Variants in OR51B5 observed in about 807,000 individuals in gnomAD.
The protein encoded by OR51B5 is olfactory receptor 51B5.
For synonymous variants in OR51B5, 186 were observed against 144.8 expected, an observed-to-expected ratio of 1.28 and a Z score of -2.04; for missense variants, 456 against 374.6, an observed-to-expected ratio of 1.22 and a Z score of -1.79.
rs4491259 is a variant in OR51B5 at position 5,350,997 on chromosome 11, T to C, written n.85-4087A>G. Among the ~76,000 whole-genome samples the C allele has an allele frequency of 6.2e-3, 938 of 152,314 alleles. 19 individuals carry two copies. The highest frequency in any genetic ancestry group is 0.022 in the African/African-American group (902 of 41,568). ...TATTTCTTACTTGTGTATTTGTTTT[T>C]CCATATAATCTTTATATCTGCTTTT... On this transcript the variant is annotated intron_variant and non_coding_transcript_variant, in intron 1 of 4. Coordinates refer to the OR51B5 transcript ENST00000415970.
At chr11:5,426,381 G>C (rs115611935) in intron 1 of OR51B5, among the ~76,000 whole-genome samples, 1,877 of 152,144 alleles carry the variant, frequency 0.012, 35 homozygotes, top group African/African-American at 0.043. Flanking sequence ...AATTATTTAA[G>C]ACATTATAGG....
chr11:5,355,681 A>G (rs1373082945), intron 1 of OR51B5: 1 of 152,202 alleles, frequency 6.6e-6, no homozygotes, highest in Non-Finnish European at 1.5e-5. Flanking sequence ...GTATCCACAA[A>G]TCATCTGTAA....
chr11:5,455,924 A>G (rs1410539123), intron 1 of OR51B5: 1 of 152,218 alleles, frequency 6.6e-6, no homozygotes, highest in Non-Finnish European at 1.5e-5. Flanking sequence ...ACTTAGTATG[A>G]TTTCCAATGG....
intron 1 of OR51B5, among the ~76,000 whole-genome samples, chr11:5,424,199 G>A (rs1159935684): frequency 3.3e-5 from 5 of 152,192 alleles, no homozygotes; most frequent in Non-Finnish European, 7.3e-5. Flanking sequence ...TGGGAGCACA[G>A]TGGAAGGTAG....
intron 1 of OR51B5, among the ~76,000 whole-genome samples, chr11:5,426,825 T>C (rs2647566): frequency 0.25 from 38,320 of 151,904 alleles, 5,191 homozygotes; most frequent in African/African-American, 0.35. Flanking sequence ...AATGCAATTA[T>C]CTTAAAACTC....
chr11:5,488,988 G>T lies in OR51B5; in HGVS notation n.84+16581C>A, dbSNP rs370177548. 66 of 1,613,960 alleles carry T rather than the reference G, an allele frequency of 4.1e-5. No individual in the cohort carries two copies. Among genetic ancestry groups the T allele is most frequent in the Non-Finnish European group, 5.6e-5 (66 of 1,179,982 alleles). On this transcript the variant is annotated intron_variant and non_coding_transcript_variant, in intron 1 of 4. Coordinates refer to the OR51B5 transcript ENST00000415970. The stretch of plus-strand genomic sequence containing the variant: ...CCATTTTGTGGCTCCATGCTGGTGA[G>T]ATTTCCTTTGGTGGATGCCTGGCCC...
intron 1 of OR51B5, chr11:5,423,031 C>T: frequency 6.2e-7 from 1 of 1,614,104 alleles, no homozygotes; most frequent in Non-Finnish European, 8.5e-7. Context: ...TCCATGTTAT[C>T]ATGGCCAATA....
intron 1 of OR51B5, among the ~76,000 whole-genome samples, chr11:5,445,467 A>G (rs1013996534): frequency 3.9e-5 from 6 of 152,128 alleles, no homozygotes; most frequent in African/African-American, 1.4e-4. Context: ...TAAAAATTAT[A>G]ATCAGTTTAT....
At chr11:5,367,882 T>C (rs1490329992) in intron 1 of OR51B5, among the ~76,000 whole-genome samples, 1 of 152,190 alleles carries the variant, frequency 6.6e-6, no homozygotes, top group Non-Finnish European at 1.5e-5. Context: ...TCTGCCTATA[T>C]CTATTTTTAT....
At chr11:5,371,982 G>C (rs970107884) in intron 1 of OR51B5, among the ~76,000 whole-genome samples, 2 of 151,854 alleles carry the variant, frequency 1.3e-5, no homozygotes, top group Non-Finnish European at 2.9e-5. Flanking sequence ...CCACATATAA[G>C]TAATATCATG....
At chr11:5,500,450 G>C (rs1281281887) in intron 1 of OR51B5, among the ~76,000 whole-genome samples, 1 of 121,358 alleles carries the variant, frequency 8.2e-6, no homozygotes, top group African/African-American at 2.6e-5. Context: ...TACCAAAATG[G>C]AGTCATTCAT....
At chr11:5,495,942 G>T (rs538018677) in intron 1 of OR51B5, among the ~76,000 whole-genome samples, 4 of 152,180 alleles carry the variant, frequency 2.6e-5, no homozygotes, top group African/African-American at 4.8e-5. Context: ...GTGGCATATT[G>T]CAATTTTTTT....
chr11:5,499,638 C>G (rs1036008806), intron 1 of OR51B5, among the ~76,000 whole-genome samples: 1 of 152,196 alleles, frequency 6.6e-6, no homozygotes, highest in Admixed American at 6.5e-5. Flanking sequence ...CCACTATCCT[C>G]TTAACTGCAC....
intron 1 of OR51B5, among the ~76,000 whole-genome samples, chr11:5,419,838 T>C (rs1850304157): frequency 6.6e-6 from 1 of 152,036 alleles, no homozygotes; most frequent in Non-Finnish European, 1.5e-5. Flanking sequence ...TTATTAGCAC[T>C]AACTGAAATT....
intron 1 of OR51B5, among the ~76,000 whole-genome samples, chr11:5,452,099 G>T (rs1850861538): frequency 6.6e-6 from 1 of 152,182 alleles, no homozygotes; most frequent in African/African-American, 2.4e-5. Context: ...TAGAAGTGTT[G>T]TGTGAGTATA....
At chr11:5,410,937 G>A (rs1368211017) in intron 1 of OR51B5, among the ~76,000 whole-genome samples, 1 of 61,912 alleles carries the variant, frequency 1.6e-5, no homozygotes, top group Non-Finnish European at 4.6e-5. Context: ...TGCATTCATG[G>A]ATTTAGCTGT....
At chr11:5,432,896 G>A (rs182496254) in intron 1 of OR51B5, among the ~76,000 whole-genome samples, 295 of 152,254 alleles carry the variant, frequency 1.9e-3, no homozygotes, top group African/African-American at 6.9e-3. Flanking sequence ...AGAAAGAACT[G>A]AGTTTTAGCT....
At chr11:5,355,974 T>C (rs1247218266) in intron 1 of OR51B5, among the ~76,000 whole-genome samples, 1 of 151,972 alleles carries the variant, frequency 6.6e-6, no homozygotes, top group Non-Finnish European at 1.5e-5. Flanking sequence ...AAAACCCATC[T>C]GTACGTCACC....
chr11:5,364,153 G>A (rs1849329762), intron 1 of OR51B5, among the ~76,000 whole-genome samples: 1 of 152,050 alleles, frequency 6.6e-6, no homozygotes, highest in African/African-American at 2.4e-5. Context: ...AAATTTTCAG[G>A]GTTCAACAAG....
Sources: gnomAD v4.1 joint callset for allele counts (sites outside exome capture counted in the v4.1 genomes callset) on GRCh38, gnomAD v4.1.1 for gene constraint, MANE v1.5 for transcripts, NCBI Gene and HGNC (gene_info 2026-07-23, HGNC 2026-07-21) for gene names.